The following ALX1 variants were observed in gnomAD, a reference collection of about 807,000 sequenced individuals.
ALX1 encodes the protein ALX homeobox 1, also known as ALX homeobox protein 1.
Under a neutral mutation model 31.7 loss-of-function variants are expected in ALX1, and 19 were observed. The ratio of observed to expected loss-of-function variants is 0.60; its 90% confidence interval spans 0.42 to 0.88. The LOEUF is 0.88. Ranked by LOEUF, ALX1 falls within the 40% of genes least tolerant of loss-of-function variation. ALX1 has a pLI of 0.00. For synonymous variants in ALX1, 153 were observed against 148.8 expected (o/e 1.03, Z -0.20); for missense variants, 415 against 407.8 (o/e 1.02, Z -0.15).
Position 85,280,291 on chromosome 12 carries a change from C to T in ALX1, c.30C>T (p.Leu10=), listed in dbSNP as rs779423593. 6 of 1,613,588 alleles carry T rather than the reference C, an allele frequency of 3.7e-6. No homozygotes were observed. Among genetic ancestry groups the T allele is most frequent in the Non-Finnish European group, 5.1e-6 (6 of 1,180,020 alleles). The change falls in exon 1 of 4, where the codon CTC becomes CTT. Residue 10 remains leucine (L), a synonymous_variant. Coordinates refer to ENST00000316824, the MANE Select transcript of ALX1 (RefSeq NM_006982.3). MEFLSEKFA[L]KSPPSKNSDF... Reference sequence around the variant, plus strand: ...AGTTTCTGAGCGAGAAGTTTGCCCTCAAGAGCCCTCCGAGTAAAAACAGTG... The same window carrying T: ...AGTTTCTGAGCGAGAAGTTTGCCCTTAAGAGCCCTCCGAGTAAAAACAGTG...
chr12:85,286,277 A>G (rs573180946), intron 2 of ALX1, among the ~76,000 whole-genome samples: 1 of 151,744 alleles, frequency 6.6e-6, no homozygotes, highest in Non-Finnish European at 1.5e-5. Flanking sequence ...ATTTTTTCCT[A>G]TTTCTAGATA....
intron 3 of ALX1, among the ~76,000 whole-genome samples, chr12:85,299,641 A>G (rs1896936424): frequency 6.6e-6 from 1 of 151,846 alleles, no homozygotes. Context: ...AAAGGTTGAA[A>G]TTACTTATTA....
intron 1 of ALX1, among the ~76,000 whole-genome samples, chr12:85,282,957 A>C (rs1328235937): frequency 6.6e-6 from 1 of 152,152 alleles, no homozygotes; most frequent in Non-Finnish European, 1.5e-5. Flanking sequence ...AAAATTTGGC[A>C]TGAAATTTAT....
intron 3 of ALX1, among the ~76,000 whole-genome samples, chr12:85,289,041 A>G (rs1896784055): frequency 6.6e-6 from 1 of 151,314 alleles, no homozygotes; most frequent in South Asian, 2.1e-4. Flanking sequence ...ATTCCACAAC[A>G]CTTGACTATG....
chr12:85,296,713 G>T (rs73365772), intron 3 of ALX1, among the ~76,000 whole-genome samples: 2 of 151,562 alleles, frequency 1.3e-5, no homozygotes, highest in African/African-American at 4.8e-5. Context: ...AAAAAATAAA[G>T]GCAGTCAATC....
intron 3 of ALX1, among the ~76,000 whole-genome samples, chr12:85,295,771 G>T (rs554482389): frequency 6.6e-6 from 1 of 151,500 alleles, no homozygotes; most frequent in East Asian, 1.9e-4. Context: ...AAATATGATC[G>T]ATGTTGGTGG....
chr12:85,287,073 A>T lies in ALX1; in HGVS notation c.660+92A>T, dbSNP rs181167918. 8.6e-5 allele frequency: 122 copies of T among 1,423,654 alleles called. 2 individuals are homozygous for T. In the East Asian group the frequency reaches 2.6e-3, roughly 30 times the overall value. 88.2% of individuals were successfully genotyped at this position (1,423,654 alleles called of 1,614,324 possible). On this transcript the variant is annotated intron_variant, in intron 3 of 3. Transcript: ENST00000316824. ...TAGCATAGGCTTTATTATATGTAAG[A>T]TAATAGCCAAGAATGAAAATCTAAG...
At chr12:85,290,850 A>C (rs570622933) in intron 3 of ALX1, among the ~76,000 whole-genome samples, 1 of 151,022 alleles carries the variant, frequency 6.6e-6, no homozygotes, top group African/African-American at 2.4e-5. Flanking sequence ...ATCTGTCTGC[A>C]CATCACTTTC....
At chr12:85,282,491 G>A (rs1896688665) in intron 1 of ALX1, among the ~76,000 whole-genome samples, 1 of 152,040 alleles carries the variant, frequency 6.6e-6, no homozygotes, top group African/African-American at 2.4e-5. Context: ...GTATAATGAT[G>A]AAAAGAGTTG....
At chr12:85,286,257 A>T (rs1017540406) in intron 2 of ALX1, among the ~76,000 whole-genome samples, 2 of 151,894 alleles carry the variant, frequency 1.3e-5, no homozygotes, top group African/African-American at 4.8e-5. Flanking sequence ...TTATTATAAT[A>T]TGTAATCTCA....
chr12:85,301,096 A>C (rs571743668), intron 3 of ALX1, 59 bp from the exon 4 acceptor site: 1 of 1,596,166 alleles, frequency 6.3e-7, no homozygotes, highest in East Asian at 2.2e-5. Flanking sequence ...ACTTAACAAA[A>C]GTAAGAGAAC....
At chr12:85,297,290 A>G (rs1410666962) in intron 3 of ALX1, among the ~76,000 whole-genome samples, 1 of 151,706 alleles carries the variant, frequency 6.6e-6, no homozygotes, top group African/African-American at 2.4e-5. Flanking sequence ...TGGTAAGGGT[A>G]AACGGTATTG....
Position 85,301,639 on chromosome 12 carries a change from A to C in ALX1, c.*164A>C. ...AGTTGTTATTTAACATTAAAATCTA[A>C]GAATGAACCTCTGAAAAGACTAAAT... On this transcript the variant is annotated 3_prime_UTR_variant, in exon 4 of 4. Coordinates refer to ENST00000316824, the MANE Select transcript of ALX1 (RefSeq NM_006982.3). The C allele has an allele frequency of 1.3e-6, 1 of 770,310 alleles. No individual in the cohort carries two copies. Among genetic ancestry groups the C allele is most frequent in the Non-Finnish European group, 2.1e-6 (1 of 484,936 alleles). 47.7% of individuals were successfully genotyped at this position (770,310 alleles called of 1,614,324 possible). A position where few individuals can be genotyped will look rare whatever the true frequency, so the allele number is the denominator to read the frequency against.
chr12:85,280,482 G>C lies in ALX1; in HGVS notation c.221G>C (p.Ser74Thr). 6.2e-6 allele frequency: 10 copies of C among 1,610,760 alleles called. No individual in the cohort carries two copies. Among genetic ancestry groups the C allele is most frequent in the Non-Finnish European group, 8.5e-6 (10 of 1,179,946 alleles). The change falls in exon 1 of 4, where the codon AGC becomes ACC. Residue 74 changes from serine to threonine, a missense_variant. By Grantham distance (58) the Ser-to-Thr change is moderately conservative. Transcript: ENST00000316824. The stretch of plus-strand genomic sequence containing the variant: ...GAGAGGACCTCGCCCTGTCAGGACA[G>C]CAGCGGTGAGTCGCTAGCGCCCCAG... ...RLERTSPCQD[S>T]SVNYGITKVE...
intron 3 of ALX1, among the ~76,000 whole-genome samples, chr12:85,291,164 T>A (rs1054232122): frequency 6.6e-6 from 1 of 151,166 alleles, no homozygotes; most frequent in African/African-American, 2.4e-5. Flanking sequence ...CTTCCTCTGT[T>A]CAAAAAAATA....
chr12:85,282,498 G>T (rs1025029692), intron 1 of ALX1, among the ~76,000 whole-genome samples: 2 of 151,892 alleles, frequency 1.3e-5, no homozygotes, highest in Non-Finnish European at 1.5e-5. Context: ...GATGAAAAGA[G>T]TTGTAAAAAT....
At chr12:85,281,219 T>C (rs922764805) in intron 1 of ALX1, among the ~76,000 whole-genome samples, 1 of 152,204 alleles carries the variant, frequency 6.6e-6, no homozygotes, top group Non-Finnish European at 1.5e-5. Context: ...TGACTTCACA[T>C]TAAAAGTCAC....
chr12:85,299,745 A>ATATT (rs1194674408), intron 3 of ALX1, among the ~76,000 whole-genome samples: 1 of 151,850 alleles, frequency 6.6e-6, no homozygotes, highest in Non-Finnish European at 1.5e-5. Context: ...ATTTATTAAC[A>ATATT]TATTTTTTGC....
At chr12:85,300,878 C>A (rs891088017) in intron 3 of ALX1, among the ~76,000 whole-genome samples, 1 of 152,040 alleles carries the variant, frequency 6.6e-6, no homozygotes, top group African/African-American at 2.4e-5. Context: ...TTTTTAAAAT[C>A]ATGACTATGA....
Sources: gnomAD v4.1 joint callset for allele counts (sites outside exome capture counted in the v4.1 genomes callset) on GRCh38, gnomAD v4.1.1 for gene constraint, MANE v1.5 for transcripts, NCBI Gene and HGNC (gene_info 2026-07-23, HGNC 2026-07-21) for gene names.